The following ATP8A2 variants were observed in gnomAD, a reference collection of about 807,000 sequenced individuals.
ATP8A2 encodes the protein phospholipid-transporting ATPase IB.
A neutral mutation model predicts 165.6 loss-of-function variants in ATP8A2; 100 were observed. The observed-to-expected ratio is 0.60, with a 90% confidence interval of 0.51 to 0.71. The LOEUF is 0.71. Ranked by LOEUF, ATP8A2 falls within the 30% of genes least tolerant of loss-of-function variation. The pLI is 0.00. For synonymous variants in ATP8A2, 543 were observed against 548.8 expected (o/e 0.99, Z 0.15); for missense variants, 1,227 against 1,479.5 (o/e 0.83, Z 2.80).
At chr13:25,846,254 G>T (rs537852164) in intron 30 of ATP8A2, among the ~76,000 whole-genome samples, 1 of 152,202 alleles carries the variant, frequency 6.6e-6, no homozygotes, top group Non-Finnish European at 1.5e-5. Context: ...ACAGTAGTGC[G>T]TTAATAGAGG....
In ATP8A2 at chr13:25,529,530, G is replaced by C. The variant is rs75404896; in HGVS notation, c.222-469G>C. On this transcript the variant is annotated intron_variant, in intron 2 of 36. Transcript: ENST00000381655. ...TACTTTGGTCATGGAGAGACAGGTA[G>C]GGTGTAAGGGAGAGGATGTCCTAGG... Among the ~76,000 whole-genome samples, 6 of 152,264 alleles carry C rather than the reference G, an allele frequency of 3.9e-5. No homozygotes were observed. The East Asian group carries it at 9.7e-4, about 25-fold the overall frequency.
At chr13:25,484,698 G>A (rs925054640) in intron 2 of ATP8A2, among the ~76,000 whole-genome samples, 30 of 151,966 alleles carry the variant, frequency 2.0e-4, no homozygotes, top group African/African-American at 7.2e-4. Flanking sequence ...TGTATTTTTA[G>A]TAGAGATGGA....
Position 25,859,361 on chromosome 13 carries a change from C to T in ATP8A2, c.2957-834C>T, listed in dbSNP as rs145076220. ...TGCGCATGTACCCCAAAATCTAAAA[C>T]AAAAGTTGGAAGAAGTTGAAAGAAA... On this transcript the variant is annotated intron_variant, in intron 30 of 36. Transcript: ENST00000381655. Among the ~76,000 whole-genome samples the T allele has an allele frequency of 6.3e-4, 96 of 152,092 alleles. 1 individual carries two copies. The highest frequency in any genetic ancestry group is 1.8e-3 in the African/African-American group (76 of 41,486).
At chr13:25,692,678 A>G (rs895901363) in intron 24 of ATP8A2, among the ~76,000 whole-genome samples, 1 of 152,204 alleles carries the variant, frequency 6.6e-6, no homozygotes, top group African/African-American at 2.4e-5. Context: ...AGGATCCTCT[A>G]TGAATCAGCA....
intron 22 of ATP8A2, among the ~76,000 whole-genome samples, chr13:25,581,321 AG>A (rs942336753): frequency 1.3e-5 from 2 of 152,190 alleles, no homozygotes; most frequent in African/African-American, 2.4e-5. Context: ...GAGGACCAAA[AG>A]GGGCAACATT....
chr13:25,580,145 C>T (rs2039734878), intron 22 of ATP8A2, among the ~76,000 whole-genome samples, 198 bp downstream of exon 22: 1 of 152,142 alleles, frequency 6.6e-6, no homozygotes, highest in Non-Finnish European at 1.5e-5. Flanking sequence ...TCTAGCCACC[C>T]TCAGCTAAAC....
At chr13:25,521,011 T>C (rs576577003) in intron 2 of ATP8A2, among the ~76,000 whole-genome samples, 1 of 152,324 alleles carries the variant, frequency 6.6e-6, no homozygotes, top group Non-Finnish European at 1.5e-5. Context: ...GCTTTTTGCA[T>C]ATCCTTGCCA....
At chr13:25,881,046 A>G in intron 33 of ATP8A2, 1 of 377,236 alleles carries the variant, frequency 2.7e-6, no homozygotes, top group Non-Finnish European at 5.4e-6. Flanking sequence ...TGCTGGAGGT[A>G]TTACATGTAT....
At chr13:25,842,748 A>G (rs146872880) in intron 30 of ATP8A2, among the ~76,000 whole-genome samples, 14 of 151,696 alleles carry the variant, frequency 9.2e-5, no homozygotes, top group African/African-American at 2.4e-4. Context: ...AGAAGGAAGG[A>G]AGGAAGGAAG....
intron 25 of ATP8A2, among the ~76,000 whole-genome samples, chr13:25,703,615 A>C (rs1241157597): frequency 6.6e-6 from 1 of 152,226 alleles, no homozygotes; most frequent in Admixed American, 6.5e-5. Context: ...CATAAAAAAA[A>C]ATAAAGTAGT....
intron 18 of ATP8A2, among the ~76,000 whole-genome samples, chr13:25,574,552 C>T (rs1044117088): frequency 2.6e-5 from 4 of 152,298 alleles, no homozygotes; most frequent in Middle Eastern, 3.4e-3. Context: ...ACCTGTGCAG[C>T]TGGTGTCCTC....
chr13:25,582,369 C>G (rs2039799685), intron 23 of ATP8A2, among the ~76,000 whole-genome samples: 1 of 152,168 alleles, frequency 6.6e-6, no homozygotes, highest in Non-Finnish European at 1.5e-5. Flanking sequence ...TGCATCTTTC[C>G]CTTCCCAGCT....
intron 23 of ATP8A2, among the ~76,000 whole-genome samples, chr13:25,587,934 T>C (rs1454105869): frequency 6.6e-6 from 1 of 152,234 alleles, no homozygotes; most frequent in Non-Finnish European, 1.5e-5. Flanking sequence ...TTTGTAAATG[T>C]ATAGAAAATT....
chr13:25,843,512 G>C (rs1173949300), intron 30 of ATP8A2, among the ~76,000 whole-genome samples: 1 of 152,012 alleles, frequency 6.6e-6, no homozygotes, highest in Admixed American at 6.6e-5. Context: ...CCTATAAAAA[G>C]GACCCTAGAG....
intron 1 of ATP8A2, among the ~76,000 whole-genome samples, chr13:25,412,476 G>A (rs1045103036): frequency 1.5e-4 from 23 of 152,164 alleles, no homozygotes; most frequent in South Asian, 1.5e-3. Context: ...CACAGGCTGT[G>A]CTCAAACTAT....
intron 33 of ATP8A2, among the ~76,000 whole-genome samples, chr13:25,911,570 G>A (rs1954107276): frequency 6.6e-6 from 1 of 152,190 alleles, no homozygotes; most frequent in Non-Finnish European, 1.5e-5. Context: ...GAATGAGTTA[G>A]GAGTTTGAAA....
At chr13:25,722,341 C>G (rs2043400007) in intron 25 of ATP8A2, among the ~76,000 whole-genome samples, 1 of 152,144 alleles carries the variant, frequency 6.6e-6, no homozygotes, top group Non-Finnish European at 1.5e-5. Context: ...AAGAGGGTTA[C>G]TAAAGTACTG....
At chr13:25,602,208 G>A (rs1436854416) in intron 24 of ATP8A2, among the ~76,000 whole-genome samples, 1 of 152,090 alleles carries the variant, frequency 6.6e-6, no homozygotes, top group Non-Finnish European at 1.5e-5. Context: ...ATCCTTTGAA[G>A]GCACTTGCAT....
chr13:25,866,210 G>T (rs1489307853), intron 33 of ATP8A2, among the ~76,000 whole-genome samples: 1 of 152,190 alleles, frequency 6.6e-6, no homozygotes, highest in East Asian at 1.9e-4. Flanking sequence ...AAAGTCCGGA[G>T]ACCTGGCTCT....
Sources: gnomAD v4.1 joint callset for allele counts (sites outside exome capture counted in the v4.1 genomes callset) on GRCh38, gnomAD v4.1.1 for gene constraint, MANE v1.5 for transcripts, NCBI Gene and HGNC (gene_info 2026-07-23, HGNC 2026-07-21) for gene names.